ELAVL2: variants seen among roughly 807,000 people sequenced by gnomAD.
ELAVL2 encodes ELAV-like protein 2.
Under a neutral mutation model 34.6 loss-of-function variants are expected in ELAVL2, and 4 were observed. The observed-to-expected ratio is 0.12, with a 90% CI of 0.06 to 0.26. The LOEUF (loss-of-function observed/expected upper bound fraction) is 0.26. Among genes scored for constraint, ELAVL2 ranks in the 10% least tolerant of loss-of-function variants. ELAVL2 has a pLI of 1.00. For synonymous variants in ELAVL2, 193 were observed against 154.8 expected (o/e 1.25, Z -1.83); for missense variants, 432 against 442.8 (o/e 0.98, Z 0.22).
intron 3 of ELAVL2, among the ~76,000 whole-genome samples, chr9:23,705,677 T>C (rs1563976131): frequency 6.6e-6 from 1 of 152,196 alleles, no homozygotes; most frequent in Non-Finnish European, 1.5e-5. Context: ...TCTAGATTCC[T>C]TGCATGTGCA....
At chr9:23,814,696 T>C (rs1210346268) in intron 1 of ELAVL2, among the ~76,000 whole-genome samples, 1 of 152,138 alleles carries the variant, frequency 6.6e-6, no homozygotes, top group East Asian at 1.9e-4. Flanking sequence ...AAAATCTTGC[T>C]CCCTCTATAA....
chr9:23,693,970 C>T (rs146798444), intron 5 of ELAVL2, among the ~76,000 whole-genome samples: 32 of 152,296 alleles, frequency 2.1e-4, no homozygotes, highest in African/African-American at 7.2e-4. Context: ...GAATTCTATA[C>T]ATTTTCCTTT....
chr9:23,772,038 T>C (rs550334027), intron 1 of ELAVL2, among the ~76,000 whole-genome samples: 1 of 152,200 alleles, frequency 6.6e-6, no homozygotes, highest in Non-Finnish European at 1.5e-5. Context: ...TAAAATCAAC[T>C]ACTCCCTCAG....
At chr9:23,735,643 T>C (rs935306118) in intron 2 of ELAVL2, 4 of 152,228 alleles carry the variant, frequency 2.6e-5, no homozygotes, top group Admixed American at 2.6e-4. Context: ...TGTGCTGCAC[T>C]GTTGTGTATG....
At chr9:23,727,757 C>T (rs1294451857) in intron 3 of ELAVL2, among the ~76,000 whole-genome samples, 2 of 151,910 alleles carry the variant, frequency 1.3e-5, no homozygotes, top group African/African-American at 4.8e-5. Flanking sequence ...GCCTGAGGGA[C>T]TTCACTTCAC....
chr9:23,795,497 C>T (rs1266730269), intron 1 of ELAVL2, among the ~76,000 whole-genome samples: 1 of 152,114 alleles, frequency 6.6e-6, no homozygotes, highest in Non-Finnish European at 1.5e-5. Flanking sequence ...GAGCCGAGAT[C>T]ACGCCACTGC....
At chr9:23,728,146 G>A (rs1468667741) in intron 3 of ELAVL2, among the ~76,000 whole-genome samples, 1 of 151,946 alleles carries the variant, frequency 6.6e-6, no homozygotes, top group Non-Finnish European at 1.5e-5. Flanking sequence ...CTCTGACTGT[G>A]GACAGAGAAC....
Position 23,798,633 on chromosome 9 carries a change from G to T in ELAVL2, c.-16+27173C>A, listed in dbSNP as rs1372456403. 4.6e-5 allele frequency among the ~76,000 whole-genome samples: 7 copies of T among 152,146 alleles called. No individual in the cohort carries two copies. In the East Asian group the frequency reaches 1.2e-3, roughly 25 times the overall value. ...CTGTAACATTTCATATAAAGTATCA[G>T]AATATGGATTCTGCCTTTGTAGGGG... On this transcript the variant is annotated intron_variant, in intron 1 of 6. Transcript: ENST00000397312.
rs769195286 is a variant in ELAVL2, at chr9:23,701,494, C to T, written c.598G>A (p.Val200Ile). Residue 200 changes from valine (V) to isoleucine (I), a missense_variant, in exon 5 of 7, where the codon GTA becomes ATA. Coordinates refer to ENST00000397312, the MANE Select transcript of ELAVL2 (RefSeq NM_004432.5). ...KPPGATEPIT[V>I]KFANNPSQKT... is the part of the protein sequence containing the mutation. ...TGGCTTGGGTTATTAGCAAACTTTA[C>T]AGTGATTGGCTCCGTGGCACCGGGA... 6.2e-7 allele frequency: 1 copy of T among 1,613,928 alleles called. No homozygotes were observed. Among genetic ancestry groups the T allele is most frequent in the African/African-American group, 1.3e-5 (1 of 74,898 alleles).
chr9:23,718,527 C>A (rs530380463), intron 3 of ELAVL2, among the ~76,000 whole-genome samples: 1 of 152,204 alleles, frequency 6.6e-6, no homozygotes, highest in South Asian at 2.1e-4. Flanking sequence ...CTGCAGATTG[C>A]TTATGGCATT....
chr9:23,752,155 T>C (rs1218947816), intron 2 of ELAVL2, among the ~76,000 whole-genome samples: 1 of 152,088 alleles, frequency 6.6e-6, no homozygotes, highest in Non-Finnish European at 1.5e-5. Context: ...TATTAACTGG[T>C]AAGAAGAGGA....
the ELAVL2 span, chr9:23,831,385 C>A: frequency 7.9e-5 from 12 of 152,408 alleles, no homozygotes; most frequent in African/African-American, 2.9e-4. Context: ...GGCTCTCACA[C>A]GCGCTCACAC....
intron 2 of ELAVL2, among the ~76,000 whole-genome samples, chr9:23,734,034 C>A (rs1447415990): frequency 6.6e-6 from 1 of 152,138 alleles, no homozygotes; most frequent in Non-Finnish European, 1.5e-5. Flanking sequence ...GGATGAGTGC[C>A]ACTCAGAATA....
rs143519383 is a variant in ELAVL2, at chr9:23,819,011, T to C, written c.-16+6795A>G. On this transcript the variant is annotated intron_variant, in intron 1 of 6. Transcript: ENST00000397312. Reference sequence around the variant, plus strand: ...TGATCCCAGCTTAAAAGTCAGGATATTCTGGAAGGCTTTGCTGTGTCCTTA... The same window carrying C: ...TGATCCCAGCTTAAAAGTCAGGATACTCTGGAAGGCTTTGCTGTGTCCTTA... 2.1e-3 allele frequency among the ~76,000 whole-genome samples: 318 copies of C among 152,342 alleles called. 1 individual carries two copies. Among genetic ancestry groups the C allele is most frequent in the Admixed American group, 5.5e-3 (84 of 15,310 alleles).
At chr9:23,836,803 T>C in the ELAVL2 span, among the ~76,000 whole-genome samples, 1 of 152,144 alleles carries the variant, frequency 6.6e-6, no homozygotes, top group Admixed American at 6.5e-5. Flanking sequence ...ATCAGGTTGG[T>C]TGGGTATTGT....
intron 3 of ELAVL2, among the ~76,000 whole-genome samples, chr9:23,719,555 A>C (rs1047993524): frequency 3.3e-5 from 5 of 152,196 alleles, no homozygotes; most frequent in African/African-American, 1.2e-4. Context: ...TTTTGGCAAG[A>C]GTATGCACTG....
intron 5 of ELAVL2, among the ~76,000 whole-genome samples, chr9:23,695,878 C>G (rs2034997363): frequency 6.6e-6 from 1 of 152,164 alleles, no homozygotes. Context: ...CATGACTGTA[C>G]ATGCAGTGAG....
At chr9:23,779,247 T>C (rs1292582650) in intron 1 of ELAVL2, 3 of 985,338 alleles carry the variant, frequency 3.0e-6, no homozygotes, top group Non-Finnish European at 2.4e-6. Flanking sequence ...TTCACACTTT[T>C]TCTGCTGCTT....
At chr9:23,837,189 T>C in the ELAVL2 span, among the ~76,000 whole-genome samples, 2 of 152,092 alleles carry the variant, frequency 1.3e-5, no homozygotes, top group Non-Finnish European at 2.9e-5. Context: ...ACGGAAGCTG[T>C]GAGGGAGAGA....
Sources: allele counts gnomAD v4.1 joint callset (sites outside exome capture counted in the v4.1 genomes callset), GRCh38; gene constraint gnomAD v4.1.1; transcripts MANE v1.5; gene names NCBI Gene and HGNC (gene_info 2026-07-23, HGNC 2026-07-21).